The following DNAJC2 variants were observed in gnomAD, a reference collection of about 807,000 sequenced individuals.
DNAJC2 encodes the protein dnaJ homolog subfamily C member 2.
DNAJC2 carries 32 observed loss-of-function variants against 94.0 expected under a neutral mutation model. That is an observed-to-expected ratio of 0.34 (90% CI 0.26 to 0.46). DNAJC2 has a LOEUF of 0.46. DNAJC2 is among the 20% of genes least tolerant of loss of function. The pLI, the probability that DNAJC2 is intolerant of heterozygous loss-of-function variation, is 1.00. For missense variants in DNAJC2, 550 were observed against 719.5 expected, an observed-to-expected ratio of 0.76 and a Z score of 2.69; for synonymous variants, 210 against 229.7, an observed-to-expected ratio of 0.91 and a Z score of 0.77.
intron 16 of DNAJC2, 76 bp downstream of exon 16, chr7:103,312,871 T>C (rs985047935): frequency 4.5e-6 from 7 of 1,551,514 alleles, no homozygotes; most frequent in South Asian, 2.6e-5. Flanking sequence ...AACCACTTAA[T>C]AGACATAAAA....
intron 12 of DNAJC2, 43 bp from the exon 13 acceptor site, chr7:103,317,057 T>C (rs1446761595): frequency 5.2e-6 from 8 of 1,530,840 alleles, no homozygotes; most frequent in South Asian, 4.6e-5. Context: ...GTATACTGTA[T>C]TGCTATTCTA....
At position 103,312,476 on chromosome 7, in the gene DNAJC2, C is replaced by G; in HGVS notation, c.*93G>C. 1 of 1,553,406 alleles carries G rather than the reference C, an allele frequency of 6.4e-7. No individual in the cohort carries two copies. The highest frequency in any genetic ancestry group is 1.2e-5 in the South Asian group (1 of 80,566). The stretch of plus-strand genomic sequence containing the variant: ...GAGAAATTATGTTGGAAGCAGCATA[C>G]TTTCAAATTATTACCATGAGTATAA... On this transcript the variant is annotated 3_prime_UTR_variant, in exon 17 of 17. Transcript: ENST00000379263.
intron 13 of DNAJC2, chr7:103,316,582 A>G (rs1176328456): frequency 2.2e-6 from 1 of 448,232 alleles, no homozygotes; most frequent in African/African-American, 2.0e-5. Flanking sequence ...AACATAAATC[A>G]AGACTTGTCT....
At chr7:103,319,702 G>T (rs1421748324) in intron 11 of DNAJC2, 24 bp from the exon 12 acceptor site, 7 of 1,613,710 alleles carry the variant, frequency 4.3e-6, no homozygotes, top group Non-Finnish European at 5.9e-6. Flanking sequence ...AAGAAGAAAT[G>T]AAACTTTATC....
At chr7:103,337,893 C>T in intron 2 of DNAJC2, 82 bp from the exon 3 acceptor site, 3 of 990,906 alleles carry the variant, frequency 3.0e-6, no homozygotes, top group South Asian at 1.4e-5. Context: ...CCTTAATAAG[C>T]ATTTCCCAAA....
intron 15 of DNAJC2, chr7:103,314,464 T>C: frequency 1.0e-6 from 1 of 985,360 alleles, no homozygotes; most frequent in Non-Finnish European, 1.2e-6. Context: ...TCACCTCTCC[T>C]CACAGAAAGC....
chr7:103,318,985 A>T (rs915833382), intron 12 of DNAJC2, among the ~76,000 whole-genome samples: 1 of 152,066 alleles, frequency 6.6e-6, no homozygotes, highest in Non-Finnish European at 1.5e-5. Context: ...GCCAATGCGG[A>T]CGGATCACTT....
At chr7:103,324,334 G>A in intron 6 of DNAJC2, 148 bp downstream of exon 6, 1 of 577,168 alleles carries the variant, frequency 1.7e-6, no homozygotes, top group East Asian at 4.3e-5. Context: ...TCTTAAAAGT[G>A]TAAATATCAC....
intron 12 of DNAJC2, among the ~76,000 whole-genome samples, chr7:103,317,920 G>A (rs1039382226): frequency 2.0e-5 from 3 of 151,758 alleles, no homozygotes; most frequent in Admixed American, 6.6e-5. Context: ...CAAAGTGCTC[G>A]GATTATAGGC....
chr7:103,332,473 G>A lies in DNAJC2; in HGVS notation c.332-4719C>T, dbSNP rs375780262. Among the ~76,000 whole-genome samples the A allele has an allele frequency of 1.3e-4, 20 of 152,142 alleles. 1 individual carries two copies. In the South Asian group the frequency reaches 3.3e-3, roughly 25 times the overall value. Reference sequence around the variant, plus strand: ...ATTCCAAAACAGTTTATGATTAACCGATTCTCCAATTACAAAATAAAACAC... The same window carrying A: ...ATTCCAAAACAGTTTATGATTAACCAATTCTCCAATTACAAAATAAAACAC... On this transcript the variant is annotated intron_variant, in intron 3 of 16. Transcript: ENST00000379263.
chr7:103,316,004 C>G lies in DNAJC2; in HGVS notation c.1512G>C (p.Lys504Asn). ...RTAKDVIGKAKSLQKLDPHQK... is the reference protein window; with the variant it reads ...RTAKDVIGKANSLQKLDPHQK... ...AAAACTCACCAAGTTTTTGGAGACTCTTTGCTTTGCCAATAACATCTTTGG... is the reference window on the plus strand; with the variant it reads ...AAAACTCACCAAGTTTTTGGAGACTGTTTGCTTTGCCAATAACATCTTTGG... Residue 504 changes from lysine (K) to asparagine (N), a missense_variant, in exon 14 of 17, where the codon AAG becomes AAC. By Grantham distance (94) the Lys-to-Asn change is moderately conservative. Transcript: ENST00000379263. 6.3e-7 allele frequency: 1 copy of G among 1,597,398 alleles called. No individual in the cohort carries two copies. The highest frequency in any genetic ancestry group is 2.2e-5 in the East Asian group (1 of 44,614).
chr7:103,315,826 A>G lies in DNAJC2; in HGVS notation c.1574T>C (p.Phe525Ser), dbSNP rs1269975196. Residue 525 changes from phenylalanine (F) to serine (S), a missense_variant, in exon 15 of 17, where the codon TTC (phenylalanine) becomes TCC (serine). Physicochemically the swap from Phe to Ser is radical, Grantham distance 155. Around this residue, in one of 2 missense-constraint regions of DNAJC2, gnomAD observed 271 missense variants for 302.6 expected, o/e 0.90. Transcript: ENST00000379263. ...AGGTACCACTCCATGTTCTTTTTTGAACTTATCAAATGCCTTTTTATTTAT... is the reference window on the plus strand; with the variant it reads ...AGGTACCACTCCATGTTCTTTTTTGGACTTATCAAATGCCTTTTTATTTAT... ...DDINKKAFDK[F>S]KKEHGVVPQA... 1 of 1,613,644 alleles carries G rather than the reference A, an allele frequency of 6.2e-7. No individual in the cohort carries two copies.
chr7:103,342,888 G>A (rs1819438967), intron 1 of DNAJC2, among the ~76,000 whole-genome samples: 1 of 152,112 alleles, frequency 6.6e-6, no homozygotes, highest in Non-Finnish European at 1.5e-5. Context: ...GATTACAGGC[G>A]TGAGCCACCG....
chr7:103,315,725 A>G (rs193058291), intron 15 of DNAJC2, 39 bp downstream of exon 15: 9 of 1,380,002 alleles, frequency 6.5e-6, no homozygotes, highest in African/African-American at 2.8e-5. Flanking sequence ...GCACAGATAC[A>G]TGGCTAGCAT....
At position 103,312,591 on chromosome 7, in the gene DNAJC2, TTC is replaced by T; in HGVS notation, c.1842_1843del (p.Asn615CysfsTer3). On this transcript the variant is annotated frameshift_variant, in exon 17 of 17. Transcript: ENST00000379263. LOFTEE classifies it high-confidence loss of function. ...TTGTCATTTCTTGGCTCTACTTGCATTCAGCACTTGTTCTTGAGCAGCTTTCT... is the reference window on the plus strand; with the variant it reads ...TTGTCATTTCTTGGCTCTACTTGCATAGCACTTGTTCTTGAGCAGCTTTCT... 6.2e-7 allele frequency: 1 copy of T among 1,613,462 alleles called. No individual in the cohort carries two copies. Among genetic ancestry groups the T allele is most frequent in the South Asian group, 1.1e-5 (1 of 90,902 alleles).
intron 12 of DNAJC2, among the ~76,000 whole-genome samples, chr7:103,318,726 G>A (rs1818212340): frequency 6.6e-6 from 1 of 152,128 alleles, no homozygotes; most frequent in Non-Finnish European, 1.5e-5. Context: ...GTATAGACTA[G>A]ACAGAACAAA....
chr7:103,312,300 CAT>C lies in DNAJC2; in HGVS notation c.*267_*268del, dbSNP rs1817789247. ...GCTCCTAATCAAGATTGTTTGAACA[CAT>C]GTATTTATAAAACAGAGCTAGAGAA... is the stretch of plus-strand genomic sequence containing the variant. On this transcript the variant is annotated 3_prime_UTR_variant, in exon 17 of 17. Transcript: ENST00000379263. 1 of 1,605,758 alleles carries C rather than the reference CAT, an allele frequency of 6.2e-7. No individual in the cohort carries two copies. Among genetic ancestry groups the C allele is most frequent in the African/African-American group, 1.3e-5 (1 of 74,812 alleles).
chr7:103,321,927 T>C lies in DNAJC2; in HGVS notation c.1083+5A>G, dbSNP rs1818442619. On this transcript the variant is annotated splice_donor_5th_base_variant and intron_variant, in intron 10 of 16. Transcript: ENST00000379263. ...TGTGCCTAGTGTTTGTTCAGTCTGA[T>C]ATACCTTGCATGAGTTTCGAAGTTT... The C allele has an allele frequency of 1.9e-6, 3 of 1,612,844 alleles. No homozygotes were observed. The highest frequency in any genetic ancestry group is 2.5e-6 in the Non-Finnish European group (3 of 1,179,370).
chr7:103,334,655 C>T (rs1051416733), intron 3 of DNAJC2, among the ~76,000 whole-genome samples: 3 of 151,648 alleles, frequency 2.0e-5, no homozygotes, highest in Non-Finnish European at 4.4e-5. Flanking sequence ...GCTATGTTGT[C>T]CAGGTTGGTC....
Sources: allele counts gnomAD v4.1 joint callset (sites outside exome capture counted in the v4.1 genomes callset), GRCh38; gene constraint gnomAD v4.1.1; regional missense constraint gnomAD v4.1.1; transcripts MANE v1.5; gene names NCBI Gene and HGNC (gene_info 2026-07-23, HGNC 2026-07-21).